The following DIS3L2 variants were observed in gnomAD, a reference collection of about 807,000 sequenced individuals.
DIS3L2 encodes DIS3 like 3'-5' exoribonuclease 2.
In DIS3L2, 34 loss-of-function variants were observed where a neutral mutation model predicts 97.5. That is an observed-to-expected ratio of 0.35 (90% CI 0.27 to 0.46). DIS3L2 has a LOEUF of 0.46. Among genes scored for constraint, DIS3L2 ranks in the 20% least tolerant of loss-of-function variants. The probability of loss-of-function intolerance (pLI) is 1.00; values close to 1 mark genes in which losing one functional copy is unlikely to be tolerated. For synonymous variants in DIS3L2, 435 were observed against 445.2 expected (o/e 0.98, Z 0.29); for missense variants, 1,038 against 1,146.0 (o/e 0.91, Z 1.36).
intron 14 of DIS3L2, among the ~76,000 whole-genome samples, chr2:232,309,796 A>T (rs950163859): frequency 9.8e-5 from 15 of 152,358 alleles, no homozygotes; most frequent in African/African-American, 3.6e-4. Context: ...ACTTCAGGGC[A>T]GATGCAGTGG....
chr2:232,240,754 A>T (rs187481407), intron 11 of DIS3L2, among the ~76,000 whole-genome samples: 63 of 152,248 alleles, frequency 4.1e-4, no homozygotes, highest in African/African-American at 1.4e-3. Flanking sequence ...CAAACTTCTG[A>T]CCCACAAGTA....
chr2:232,192,401 C>T (rs902105108), intron 9 of DIS3L2, among the ~76,000 whole-genome samples: 3 of 152,044 alleles, frequency 2.0e-5, no homozygotes, highest in African/African-American at 4.8e-5. Context: ...TATGTCTCCA[C>T]CTTCTTAAAC....
chr2:232,328,451 G>C (rs949171553), intron 14 of DIS3L2: 1 of 152,146 alleles, frequency 6.6e-6, no homozygotes, highest in Non-Finnish European at 1.5e-5. Context: ...CGTCTGCCCT[G>C]GCAGGCCCAC....
intron 5 of DIS3L2, among the ~76,000 whole-genome samples, chr2:232,053,593 G>A (rs1232833691): frequency 6.6e-6 from 1 of 152,176 alleles, no homozygotes; most frequent in Non-Finnish European, 1.5e-5. Flanking sequence ...ATTATTTGGG[G>A]ATTCCCATGG....
At chr2:232,284,447 A>G (rs905505124) in intron 13 of DIS3L2, among the ~76,000 whole-genome samples, 50 of 152,346 alleles carry the variant, frequency 3.3e-4, no homozygotes, top group African/African-American at 1.2e-3. Flanking sequence ...CTTCGATACC[A>G]CGATCAATGT....
intron 10 of DIS3L2, among the ~76,000 whole-genome samples, chr2:232,216,856 C>CTCCCA (rs1692353373): frequency 6.6e-6 from 1 of 151,026 alleles, no homozygotes; most frequent in African/African-American, 2.4e-5. Flanking sequence ...CTCCCCTCCC[C>CTCCCA]TCTTTTGATG....
intron 9 of DIS3L2, among the ~76,000 whole-genome samples, chr2:232,183,813 G>GGTAAATGGGGGTTA (rs1227027064): frequency 1.3e-5 from 2 of 152,174 alleles, no homozygotes; most frequent in African/African-American, 2.4e-5. Flanking sequence ...GTCAAATTAA[G>GGTAAATGGGGGTTA]CAAACCCGGT....
chr2:232,036,455 G>T (rs920372741), intron 5 of DIS3L2, among the ~76,000 whole-genome samples: 1 of 152,124 alleles, frequency 6.6e-6, no homozygotes, highest in African/African-American at 2.4e-5. Flanking sequence ...TTCTTGCATT[G>T]AGTTAGAACA....
chr2:232,264,671 C>A (rs192906542), intron 13 of DIS3L2, among the ~76,000 whole-genome samples: 144 of 152,336 alleles, frequency 9.5e-4, no homozygotes, highest in Admixed American at 2.1e-3. Context: ...ACTTCTTTCC[C>A]TGAGCCTGTC....
rs568210546 is a variant in DIS3L2, at chr2:231,961,740, G to T, written c.-119G>T. The T allele has an allele frequency of 4.7e-4, 72 of 153,330 alleles. No individual in the cohort carries two copies. Among genetic ancestry groups the T allele is most frequent in the African/African-American group, 1.7e-3 (71 of 41,600 alleles). 9.5% of individuals were successfully genotyped at this position (153,330 alleles called of 1,614,324 possible). ...TCTCCTTAGCAACTGCGGGACTGCG[G>T]CGGCGCCGGCCTCCGGGGAGAAACG... On this transcript the variant is annotated 5_prime_UTR_variant, in exon 1 of 21. Transcript: ENST00000325385.
At chr2:232,170,777 A>G (rs1319360536) in intron 9 of DIS3L2, among the ~76,000 whole-genome samples, 4 of 152,166 alleles carry the variant, frequency 2.6e-5, no homozygotes, top group African/African-American at 9.7e-5. Context: ...AAGCACAGAA[A>G]GGGGGTTGTG....
intron 5 of DIS3L2, among the ~76,000 whole-genome samples, chr2:232,031,204 T>C (rs1694794717): frequency 6.6e-6 from 1 of 152,184 alleles, no homozygotes; most frequent in Non-Finnish European, 1.5e-5. Context: ...GCTCAAGAAA[T>C]GTTCTTACTA....
intron 14 of DIS3L2, among the ~76,000 whole-genome samples, chr2:232,313,031 A>C (rs1464403894): frequency 6.6e-6 from 1 of 152,016 alleles, no homozygotes; most frequent in Non-Finnish European, 1.5e-5. Flanking sequence ...AGTGTACCTC[A>C]TCATGTCATC....
rs752187005 is a variant in DIS3L2, at chr2:232,330,707, A to T, written c.1941A>T (p.Thr647=). 3.1e-6 allele frequency: 5 copies of T among 1,613,880 alleles called. No homozygotes were observed. The African/African-American group carries it at 5.3e-5, about 17-fold the overall frequency. ...GCTTCTAGAAAAGCCTGACCCAAAC[A>T]TTTGGAGATGACAAGTACTCACTGG... ...AGALNKSLTQ[T]FGDDKYSLAR... Residue 647 remains threonine, a synonymous_variant, in exon 16 of 21, where the codon ACA becomes ACT. Coordinates refer to ENST00000325385, the MANE Select transcript of DIS3L2 (RefSeq NM_152383.5).
At chr2:232,056,965 A>G (rs912681009) in intron 5 of DIS3L2, among the ~76,000 whole-genome samples, 1 of 152,176 alleles carries the variant, frequency 6.6e-6, no homozygotes, top group African/African-American at 2.4e-5. Context: ...AAATATGTCT[A>G]GGAATCTTCC....
intron 6 of DIS3L2, among the ~76,000 whole-genome samples, chr2:232,106,711 A>G (rs1248747529): frequency 6.6e-6 from 1 of 152,228 alleles, no homozygotes; most frequent in Non-Finnish European, 1.5e-5. Flanking sequence ...AAAATTAACA[A>G]AGATATTCAG....
chr2:232,028,635 C>T (rs932510072), intron 4 of DIS3L2, among the ~76,000 whole-genome samples: 1 of 152,106 alleles, frequency 6.6e-6, no homozygotes, highest in Non-Finnish European at 1.5e-5. Flanking sequence ...TTAGGGTGAC[C>T]TCCAAACAGC....
At chr2:232,327,909 G>A (rs560250265) in intron 14 of DIS3L2, among the ~76,000 whole-genome samples, 1 of 152,232 alleles carries the variant, frequency 6.6e-6, no homozygotes, top group Non-Finnish European at 1.5e-5. Flanking sequence ...CTGAGCAGGT[G>A]CCATTGTGAC....
intron 5 of DIS3L2, among the ~76,000 whole-genome samples, chr2:232,081,812 C>T (rs537995433): frequency 2.2e-4 from 33 of 152,286 alleles, no homozygotes; most frequent in African/African-American, 7.5e-4. Context: ...TGTTTTGAGA[C>T]GGAGTCTTGC....
Sources: gnomAD v4.1 joint callset for allele counts (sites outside exome capture counted in the v4.1 genomes callset) on GRCh38, gnomAD v4.1.1 for gene constraint, MANE v1.5 for transcripts, NCBI Gene and HGNC (gene_info 2026-07-23, HGNC 2026-07-21) for gene names.